The following PDE4D variants were observed in gnomAD, a reference collection of about 807,000 sequenced individuals.
The protein encoded by PDE4D is 3',5'-cyclic-AMP phosphodiesterase 4D.
PDE4D carries 24 observed loss-of-function variants against 87.4 expected under a neutral mutation model. That is an observed-to-expected ratio of 0.27 (90% confidence interval 0.20 to 0.39). PDE4D has a LOEUF of 0.39. Ranked by LOEUF, PDE4D falls within the 10% of genes least tolerant of loss-of-function variation. The pLI is 1.00. For synonymous variants in PDE4D, 384 were observed against 383.2 expected (o/e 1.00, Z -0.02); for missense variants, 714 against 1,041.0 (o/e 0.69, Z 4.32).
chr5:59,938,416 G>A (rs1339531791), intron 3 of PDE4D, among the ~76,000 whole-genome samples: 1 of 152,096 alleles, frequency 6.6e-6, no homozygotes, highest in Non-Finnish European at 1.5e-5. Context: ...AGCTCTTTCT[G>A]GACTGCATAT....
chr5:59,316,950 T>G (rs1246095772), intron 1 of PDE4D, among the ~76,000 whole-genome samples: 1 of 152,198 alleles, frequency 6.6e-6, no homozygotes, highest in Non-Finnish European at 1.5e-5. Context: ...TGCCTTCCTG[T>G]CTCAATGGAG....
chr5:59,555,271 C>T (rs897676609), intron 1 of PDE4D, among the ~76,000 whole-genome samples: 3 of 152,146 alleles, frequency 2.0e-5, no homozygotes, highest in African/African-American at 7.2e-5. Context: ...ACTGTATGCT[C>T]TCACTTGTAA....
chr5:60,084,114 A>G (rs1291332927), intron 2 of PDE4D, among the ~76,000 whole-genome samples: 1 of 152,244 alleles, frequency 6.6e-6, no homozygotes, highest in African/African-American at 2.4e-5. Flanking sequence ...CCATGAGTTC[A>G]TATGAACCAG....
At chr5:60,016,183 TTC>T (rs138528503) in intron 2 of PDE4D, among the ~76,000 whole-genome samples, 3,155 of 152,258 alleles carry the variant, frequency 0.021, 89 homozygotes, top group African/African-American at 0.073. Context: ...ATTTTTTTGT[TTC>T]TCAGTGAATA....
intron 1 of PDE4D, among the ~76,000 whole-genome samples, chr5:60,502,357 T>C (rs1750122725): frequency 1.3e-5 from 2 of 152,242 alleles, no homozygotes; most frequent in Non-Finnish European, 2.9e-5. Flanking sequence ...GTTCCATTGA[T>C]CTATATCTCT....
At chr5:59,032,014 G>A (rs924582531) in intron 6 of PDE4D, among the ~76,000 whole-genome samples, 32 of 107,094 alleles carry the variant, frequency 3.0e-4, no homozygotes, top group African/African-American at 9.3e-4. Flanking sequence ...AAGTTTTAGT[G>A]ATCTATTGCA....
intron 1 of PDE4D, among the ~76,000 whole-genome samples, chr5:59,402,540 G>C (rs1790849064): frequency 6.6e-6 from 1 of 152,068 alleles, no homozygotes. Context: ...ACCTATCAAA[G>C]ATTAAAGGGG....
rs552036131 is a variant in PDE4D, at chr5:60,446,523, C to G, written c.-90+41419G>C. ...TATCATATACTAGCCTGAGACAACA[C>G]CACTACCACCCCATACTACCTACCA... On this transcript the variant is annotated intron_variant, in intron 1 of 16. Transcript: ENST00000502484. Among the ~76,000 whole-genome samples, 18 of 152,180 alleles carry G rather than the reference C, an allele frequency of 1.2e-4. No homozygotes were observed. The South Asian group carries it at 3.7e-3, about 32-fold the overall frequency.
rs1047385462 is a variant in PDE4D, at chr5:59,160,629, G to A, written c.808+19966C>T. On this transcript the variant is annotated intron_variant, in intron 5 of 14. Coordinates refer to ENST00000340635, the MANE Select transcript of PDE4D (RefSeq NM_001104631.2). ...AAAGTGCTGGGATTACAGGTGTGAG[G>A]CACCACGCCTGCCCCCCAAGGTGAT... Among the ~76,000 whole-genome samples, 8 of 152,094 alleles carry A rather than the reference G, an allele frequency of 5.3e-5. No homozygotes were observed. In the East Asian group the frequency reaches 7.8e-4, roughly 15 times the overall value.
intron 3 of PDE4D, among the ~76,000 whole-genome samples, chr5:59,958,260 T>TTATTTACATATTTACA (rs1759078133): frequency 6.6e-6 from 1 of 152,190 alleles, no homozygotes; most frequent in Admixed American, 6.5e-5. Context: ...ATATAGGATT[T>TTATTTACATATTTACA]TATTTACATA....
chr5:59,589,466 T>C (rs1284411343), intron 1 of PDE4D, among the ~76,000 whole-genome samples: 1 of 152,212 alleles, frequency 6.6e-6, no homozygotes, highest in Admixed American at 6.5e-5. Context: ...ATGATGATGA[T>C]AATGATGGGT....
intron 1 of PDE4D, among the ~76,000 whole-genome samples, chr5:59,769,487 C>A (rs1360785520): frequency 6.6e-6 from 1 of 152,148 alleles, no homozygotes; most frequent in Non-Finnish European, 1.5e-5. Context: ...TCTAGCTTTT[C>A]GTGATTTCCT....
chr5:60,283,257 T>C (rs1326829442), intron 1 of PDE4D, among the ~76,000 whole-genome samples: 1 of 152,188 alleles, frequency 6.6e-6, no homozygotes, highest in Non-Finnish European at 1.5e-5. Context: ...ATTGCCCATC[T>C]TTTGTCTTAT....
chr5:59,205,232 G>A (rs1748478734), intron 2 of PDE4D, among the ~76,000 whole-genome samples: 1 of 152,048 alleles, frequency 6.6e-6, no homozygotes, highest in Admixed American at 6.6e-5. Context: ...TATTCCTTTG[G>A]AAAATTCTTT....
At position 59,687,863 on chromosome 5, in the gene PDE4D, G is replaced by A. The variant is rs6885868; in HGVS notation, c.455+205305C>T. Among the ~76,000 whole-genome samples the A allele has an allele frequency of 1.1e-3, 160 of 152,120 alleles. 1 individual carries two copies. Among genetic ancestry groups the A allele is most frequent in the Middle Eastern group, 6.8e-3 (2 of 294 alleles). On this transcript the variant is annotated intron_variant, in intron 1 of 14. Transcript: ENST00000340635. ...GACACACACAGGCTCAAAATAAAGGGAGGAAGGAAGATCTACCAAGCACAT... is the reference window on the plus strand; with the variant it reads ...GACACACACAGGCTCAAAATAAAGGAAGGAAGGAAGATCTACCAAGCACAT...
At chr5:60,508,776 T>C (rs1204789791) in intron 1 of PDE4D, among the ~76,000 whole-genome samples, 1 of 152,222 alleles carries the variant, frequency 6.6e-6, no homozygotes, top group Non-Finnish European at 1.5e-5. Context: ...CTTATTTTAA[T>C]ATATATTGTT....
intron 1 of PDE4D, among the ~76,000 whole-genome samples, chr5:59,751,153 T>C (rs1418932193): frequency 1.3e-5 from 2 of 152,134 alleles, no homozygotes; most frequent in Admixed American, 6.6e-5. Context: ...CAGAGTAAGA[T>C]GGTTTTCTGT....
chr5:59,771,462 A>AGAG (rs1491353054), intron 1 of PDE4D, among the ~76,000 whole-genome samples: 1 of 78,728 alleles, frequency 1.3e-5, no homozygotes, highest in African/African-American at 5.8e-5. Flanking sequence ...AGAAAGAAAG[A>AGAG]AAGAAAGAAA....
At chr5:59,288,595 T>C (rs899843986) in intron 1 of PDE4D, among the ~76,000 whole-genome samples, 2 of 151,896 alleles carry the variant, frequency 1.3e-5, no homozygotes, top group South Asian at 4.1e-4. Context: ...TATTCAAGTA[T>C]AATAAGGTTA....
Sources: gnomAD v4.1 joint callset for allele counts (sites outside exome capture counted in the v4.1 genomes callset) on GRCh38, gnomAD v4.1.1 for gene constraint, MANE v1.5 for transcripts, NCBI Gene and HGNC (gene_info 2026-07-23, HGNC 2026-07-21) for gene names.